Variants in KIAA1549L observed in about 807,000 individuals in gnomAD.
The protein encoded by KIAA1549L is UPF0606 protein KIAA1549L.
A neutral mutation model predicts 160.7 loss-of-function variants in KIAA1549L; 88 were observed. That is an observed-to-expected ratio of 0.55 (90% CI 0.46 to 0.65). KIAA1549L has a LOEUF of 0.65. KIAA1549L is among the 30% of genes least tolerant of loss of function. The pLI, the probability that KIAA1549L is intolerant of heterozygous loss-of-function variation, is 0.00. For synonymous variants in KIAA1549L, 950 were observed against 976.7 expected (o/e 0.97, Z 0.51); for missense variants, 2,258 against 2,437.5 (o/e 0.93, Z 1.55).
chr11:33,629,689 C>T (rs1307912951), intron 16 of KIAA1549L, among the ~76,000 whole-genome samples: 1 of 151,232 alleles, frequency 6.6e-6, no homozygotes, highest in Non-Finnish European at 1.5e-5. Flanking sequence ...ATACATTCTT[C>T]TAAATTTTTT....
chr11:33,457,396 C>T (rs1348074776), intron 1 of KIAA1549L, among the ~76,000 whole-genome samples: 1 of 152,130 alleles, frequency 6.6e-6, no homozygotes, highest in Admixed American at 6.5e-5. Flanking sequence ...CCTCAACAAC[C>T]CTGAGACCAC....
At chr11:33,485,827 T>A (rs1457806993) in intron 1 of KIAA1549L, among the ~76,000 whole-genome samples, 1 of 152,076 alleles carries the variant, frequency 6.6e-6, no homozygotes, top group Non-Finnish European at 1.5e-5. Flanking sequence ...ACTCTCTGCT[T>A]CTATGAGTTC....
At chr11:33,580,743 A>C (rs1036035488) in intron 10 of KIAA1549L, among the ~76,000 whole-genome samples, 6 of 152,170 alleles carry the variant, frequency 3.9e-5, no homozygotes, top group Non-Finnish European at 7.4e-5. Context: ...CAGTGAATGA[A>C]GTGGACAAAA....
chr11:33,466,475 C>T (rs1210015245), intron 1 of KIAA1549L, among the ~76,000 whole-genome samples: 1 of 152,152 alleles, frequency 6.6e-6, no homozygotes, highest in Non-Finnish European at 1.5e-5. Context: ...ATAACAGACG[C>T]TGGAGAGGAT....
At chr11:33,444,645 C>T (rs1851575198) in intron 1 of KIAA1549L, among the ~76,000 whole-genome samples, 1 of 152,198 alleles carries the variant, frequency 6.6e-6, no homozygotes, top group Admixed American at 6.5e-5. Context: ...TTGCTTTTAG[C>T]AGCTATTGAA....
At chr11:33,456,433 C>T (rs1351753241) in intron 1 of KIAA1549L, among the ~76,000 whole-genome samples, 1 of 152,040 alleles carries the variant, frequency 6.6e-6, no homozygotes, top group Non-Finnish European at 1.5e-5. Flanking sequence ...TTTTGTGAGA[C>T]AGGGTCTCAC....
intron 8 of KIAA1549L, among the ~76,000 whole-genome samples, chr11:33,562,970 T>A (rs1339111529): frequency 6.6e-6 from 1 of 151,982 alleles, no homozygotes; most frequent in Non-Finnish European, 1.5e-5. Flanking sequence ...TGTGAGCCGC[T>A]GTGCCTGGCC....
At chr11:33,626,083 G>T (rs76332548) in intron 16 of KIAA1549L, among the ~76,000 whole-genome samples, 333 of 148,482 alleles carry the variant, frequency 2.2e-3, no homozygotes, top group African/African-American at 2.9e-3. Flanking sequence ...TATGCGGCAT[G>T]ATTTCTGAGG....
chr11:33,443,321 AT>A (rs879449564), intron 1 of KIAA1549L, among the ~76,000 whole-genome samples: 544 of 144,274 alleles, frequency 3.8e-3, no homozygotes, highest in African/African-American at 8.0e-3. Flanking sequence ...CTTTTTAGTG[AT>A]TTTTTTTTTT....
chr11:33,415,660 T>C (rs1850873942), intron 1 of KIAA1549L, among the ~76,000 whole-genome samples: 1 of 152,186 alleles, frequency 6.6e-6, no homozygotes, highest in African/African-American at 2.4e-5. Flanking sequence ...ACGGTCATTT[T>C]ACCTTCCTAA....
intron 1 of KIAA1549L, among the ~76,000 whole-genome samples, chr11:33,436,647 T>C (rs1851386711): frequency 6.6e-6 from 1 of 152,238 alleles, no homozygotes; most frequent in Admixed American, 6.5e-5. Flanking sequence ...TTTATTACTT[T>C]GTAGAAAGGA....
At chr11:33,538,488 T>C (rs923749430) in intron 1 of KIAA1549L, among the ~76,000 whole-genome samples, 1 of 152,190 alleles carries the variant, frequency 6.6e-6, no homozygotes, top group African/African-American at 2.4e-5. Context: ...AATGTTTTTC[T>C]TAAGATGTGA....
chr11:33,654,827 T>A (rs1192641317), intron 17 of KIAA1549L, among the ~76,000 whole-genome samples: 2 of 152,234 alleles, frequency 1.3e-5, no homozygotes, highest in African/African-American at 4.8e-5. Context: ...CATTAAAAAG[T>A]AGGTTTAATC....
At chr11:33,520,181 A>G (rs1168407654) in intron 1 of KIAA1549L, among the ~76,000 whole-genome samples, 2 of 152,144 alleles carry the variant, frequency 1.3e-5, no homozygotes, top group Non-Finnish European at 1.5e-5. Context: ...TTAAGCATAC[A>G]ATACAGTGTT....
intron 1 of KIAA1549L, among the ~76,000 whole-genome samples, chr11:33,511,255 T>C (rs1196487476): frequency 2.0e-5 from 3 of 152,216 alleles, no homozygotes; most frequent in African/African-American, 4.8e-5. Context: ...GGCTTGTCTC[T>C]AGAGGCTGTT....
chr11:33,569,580 G>A (rs1855173065), intron 9 of KIAA1549L, among the ~76,000 whole-genome samples: 1 of 152,164 alleles, frequency 6.6e-6, no homozygotes. Context: ...AATCTTGAAA[G>A]TATAGACAAC....
At chr11:33,600,460 T>C (rs1850327254) in intron 13 of KIAA1549L, among the ~76,000 whole-genome samples, 1 of 152,042 alleles carries the variant, frequency 6.6e-6, no homozygotes, top group African/African-American at 2.4e-5. Flanking sequence ...ATGGGGAAGG[T>C]TGTTTTAACT....
At chr11:33,665,813 G>C (rs1852428408) in intron 20 of KIAA1549L, among the ~76,000 whole-genome samples, 1 of 152,178 alleles carries the variant, frequency 6.6e-6, no homozygotes, top group Non-Finnish European at 1.5e-5. Flanking sequence ...AGCCCCTACA[G>C]GGGGAAGAGA....
chr11:33,481,534 T>G (rs185528209), intron 1 of KIAA1549L, among the ~76,000 whole-genome samples: 232 of 152,362 alleles, frequency 1.5e-3, no homozygotes, highest in Non-Finnish European at 2.4e-3. Flanking sequence ...AGTAGTTCTC[T>G]TTTCCACTTT....
Sources: allele counts gnomAD v4.1 joint callset (sites outside exome capture counted in the v4.1 genomes callset), GRCh38; gene constraint gnomAD v4.1.1; transcripts MANE v1.5; gene names NCBI Gene and HGNC (gene_info 2026-07-23, HGNC 2026-07-21).